EHD4: variants seen among roughly 807,000 people sequenced by gnomAD.
EHD4 encodes EH domain containing 4.
In EHD4, 37 loss-of-function variants were observed where a neutral mutation model predicts 51.0. That is an observed-to-expected ratio of 0.73 (90% CI 0.56 to 0.95). The LOEUF (loss-of-function observed/expected upper bound fraction) is 0.95. Ranked by LOEUF, EHD4 falls within the 40% of genes least tolerant of loss-of-function variation. The probability of loss-of-function intolerance (pLI) is 0.00; values close to 1 mark genes in which losing one functional copy is unlikely to be tolerated. For missense variants in EHD4, 632 were observed against 733.1 expected (o/e 0.86, Z 1.59); for synonymous variants, 297 against 317.3 (o/e 0.94, Z 0.68).
At chr15:41,956,723 A>G (rs1460238987) in intron 1 of EHD4, among the ~76,000 whole-genome samples, 2 of 152,220 alleles carry the variant, frequency 1.3e-5, no homozygotes, top group Admixed American at 1.3e-4. Context: ...TGACCTTGGT[A>G]AATCAATCTC....
chr15:41,929,761 A>G (rs2067686316), intron 3 of EHD4, among the ~76,000 whole-genome samples: 2 of 152,192 alleles, frequency 1.3e-5, no homozygotes. Flanking sequence ...TCTAGATCTT[A>G]AATTTTAGCT....
rs1015957006 is a variant in EHD4, at chr15:41,909,008, T to G, written c.1089+691A>C. Among the ~76,000 whole-genome samples, 6 of 152,338 alleles carry G rather than the reference T, an allele frequency of 3.9e-5. No individual in the cohort carries two copies. In the East Asian group the frequency reaches 1.2e-3, roughly 29 times the overall value. On this transcript the variant is annotated intron_variant, in intron 5 of 5. Coordinates refer to ENST00000220325, the MANE Select transcript of EHD4 (RefSeq NM_139265.4). Reference sequence around the variant, plus strand: ...GGCCAGCCTGGCTCTGTGAGGACTGTCAGCCCAGAAGCCAGATGGGTGGCC... The same window carrying G: ...GGCCAGCCTGGCTCTGTGAGGACTGGCAGCCCAGAAGCCAGATGGGTGGCC...
chr15:41,898,327 CA>C lies in EHD4; in HGVS notation c.*2317del, dbSNP rs993524697. On this transcript the variant is annotated 3_prime_UTR_variant, in exon 6 of 6. Transcript: ENST00000220325. ...TCTAAAGCAGCTTTCTGTATCCAGACAAAACTTACATATGTACACGTTGTTT... is the reference window on the plus strand; with the variant it reads ...TCTAAAGCAGCTTTCTGTATCCAGACAAACTTACATATGTACACGTTGTTT... 6.6e-6 allele frequency: 1 copy of C among 152,140 alleles called. No homozygotes were observed. Among genetic ancestry groups the C allele is most frequent in the Non-Finnish European group, 1.5e-5 (1 of 68,038 alleles). The allele number at this position is 152,140 out of a possible 1,614,324, so 9.4% of individuals were successfully genotyped here. A position where few individuals can be genotyped will look rare whatever the true frequency, so the allele number is the denominator to read the frequency against.
chr15:41,937,414 T>G (rs1376913992), intron 3 of EHD4, among the ~76,000 whole-genome samples: 2 of 152,198 alleles, frequency 1.3e-5, no homozygotes, highest in African/African-American at 4.8e-5. Context: ...GTGTCATGTC[T>G]TCGTCTCAGT....
chr15:41,949,041 T>TATATAC (rs2067834872), intron 2 of EHD4, among the ~76,000 whole-genome samples: 1 of 134,740 alleles, frequency 7.4e-6, no homozygotes, highest in Admixed American at 7.5e-5. Context: ...TATATATATA[T>TATATAC]ATATATATAT....
chr15:41,913,283 AG>A (rs1290711158), intron 4 of EHD4, among the ~76,000 whole-genome samples: 1 of 152,246 alleles, frequency 6.6e-6, no homozygotes, highest in Non-Finnish European at 1.5e-5. Flanking sequence ...TATGTGTCAA[AG>A]GTGTCTCCAA....
intron 1 of EHD4, among the ~76,000 whole-genome samples, chr15:41,955,286 G>C (rs898954492): frequency 4.6e-5 from 7 of 151,782 alleles, no homozygotes; most frequent in African/African-American, 1.5e-4. Flanking sequence ...GAGGCCAAGC[G>C]GCTTGCCCAA....
At chr15:41,927,108 T>C (rs1008926274) in intron 3 of EHD4, among the ~76,000 whole-genome samples, 2 of 152,246 alleles carry the variant, frequency 1.3e-5, no homozygotes, top group African/African-American at 4.8e-5. Context: ...ATAGCACTTA[T>C]ACTCTGAAAT....
intron 3 of EHD4, among the ~76,000 whole-genome samples, chr15:41,940,699 C>T (rs759297833): frequency 1.3e-5 from 2 of 152,180 alleles, no homozygotes; most frequent in African/African-American, 4.8e-5. Flanking sequence ...CATAGTAAGT[C>T]AGACCAGGAT....
intron 1 of EHD4, among the ~76,000 whole-genome samples, chr15:41,963,007 T>C (rs544682771): frequency 2.0e-5 from 3 of 152,290 alleles, no homozygotes; most frequent in Non-Finnish European, 4.4e-5. Context: ...AACCCCGTGC[T>C]CTCTGAAACA....
intron 5 of EHD4, among the ~76,000 whole-genome samples, chr15:41,906,954 G>A (rs1328444762): frequency 6.6e-6 from 1 of 152,212 alleles, no homozygotes; most frequent in Non-Finnish European, 1.5e-5. Context: ...CCATCTCAGT[G>A]GGCCATGGCT....
At chr15:41,931,505 G>T (rs1374189963) in intron 3 of EHD4, among the ~76,000 whole-genome samples, 1 of 152,192 alleles carries the variant, frequency 6.6e-6, no homozygotes, top group East Asian at 1.9e-4. Flanking sequence ...GGAGCTTCGA[G>T]ATCCTGTCTC....
At chr15:41,966,228 T>C (rs1424649599) in intron 1 of EHD4, among the ~76,000 whole-genome samples, 1 of 152,080 alleles carries the variant, frequency 6.6e-6, no homozygotes, top group Non-Finnish European at 1.5e-5. Flanking sequence ...CCGCGCCATC[T>C]GGCTTCCTTC....
At chr15:41,947,410 TC>T (rs1374084352) in intron 2 of EHD4, among the ~76,000 whole-genome samples, 10 of 152,290 alleles carry the variant, frequency 6.6e-5, no homozygotes, top group African/African-American at 2.4e-4. Context: ...TCTAAACCTC[TC>T]TGAGCAATTC....
chr15:41,909,929 A>G lies in EHD4; in HGVS notation c.925-66T>C, dbSNP rs2067538060. ...TTGCATCAGAGAAGGAACAAACAAG[A>G]TTGCATCTTAACTCCATCATAACAC... On this transcript the variant is annotated intron_variant, in intron 4 of 5. Transcript: ENST00000220325. 2.5e-6 allele frequency: 4 copies of G among 1,588,774 alleles called. No individual in the cohort carries two copies. The Admixed American group carries it at 6.7e-5, about 27-fold the overall frequency.
chr15:41,962,835 G>A (rs1258702153), intron 1 of EHD4, among the ~76,000 whole-genome samples: 3 of 152,076 alleles, frequency 2.0e-5, no homozygotes, highest in African/African-American at 7.2e-5. Context: ...TGAGGATGGC[G>A]GTTTTGTCGA....
rs115175200 is a variant in EHD4 at position 41,947,161 on chromosome 15, A to G, written c.414-3997T>C. On this transcript the variant is annotated intron_variant, in intron 2 of 5. Coordinates refer to ENST00000220325, the MANE Select transcript of EHD4 (RefSeq NM_139265.4). ...AGCCCAGGTTCTTCACTCCTGGGCT[A>G]CTATCACCATGGCACACACTGGAAC... Among the ~76,000 whole-genome samples, 367 of 152,304 alleles carry G rather than the reference A, an allele frequency of 2.4e-3. 4 individuals are homozygous for G. The highest frequency in any genetic ancestry group is 8.4e-3 in the African/African-American group (350 of 41,572).
chr15:41,919,450 G>T lies in EHD4; in HGVS notation c.684C>A (p.Asp228Glu). The T allele has an allele frequency of 6.3e-7, 1 of 1,575,434 alleles. No individual in the cohort carries two copies. The highest frequency in any genetic ancestry group is 8.6e-7 in the Non-Finnish European group (1 of 1,160,024). The change falls in exon 4 of 6, where the codon GAC (aspartate) becomes GAA (glutamate). Residue 228 changes from aspartate (D) to glutamate (E), a missense_variant. Coordinates refer to ENST00000220325, the MANE Select transcript of EHD4 (RefSeq NM_139265.4). ...RVVLNKADQV[D>E]TQQLMRVYGA... ...CGTAGACCCGCATCAGCTGCTGCGT[G>T]TCCACTTGGTCGGCCTTGTTCAGCA... is the stretch of plus-strand genomic sequence containing the variant.
At chr15:41,904,078 G>A (rs1020039738) in intron 5 of EHD4, among the ~76,000 whole-genome samples, 1 of 152,198 alleles carries the variant, frequency 6.6e-6, no homozygotes, top group Non-Finnish European at 1.5e-5. Flanking sequence ...CTGGGTCAAC[G>A]AGTTTGGATT....
Sources: gnomAD v4.1 joint callset for allele counts (sites outside exome capture counted in the v4.1 genomes callset) on GRCh38, gnomAD v4.1.1 for gene constraint, MANE v1.5 for transcripts, NCBI Gene and HGNC (gene_info 2026-07-23, HGNC 2026-07-21) for gene names.